The following ZNF253 variants were observed in gnomAD, a reference collection of about 807,000 sequenced individuals.
ZNF253 encodes the protein zinc finger protein 253.
ZNF253 carries 8 observed loss-of-function variants against 11.9 expected under a neutral mutation model. That is an observed-to-expected ratio of 0.67 (90% confidence interval 0.40 to 1.22). ZNF253 has a LOEUF of 1.22. ZNF253 is among the 50% of genes most tolerant of loss of function. ZNF253 has a pLI of 0.01. For missense variants in ZNF253, 485 were observed against 586.9 expected (o/e 0.83, Z 1.79); for synonymous variants, 194 against 194.9 (o/e 1.00, Z 0.04).
intron 1 of ZNF253, among the ~76,000 whole-genome samples, chr19:19,869,687 T>A (rs1016449734): frequency 0.034 from 2,886 of 85,276 alleles, 40 homozygotes; most frequent in African/African-American, 0.055. Flanking sequence ...TTTTTTTTTT[T>A]AAAAAACAGT....
intron 3 of ZNF253, among the ~76,000 whole-genome samples, chr19:19,884,379 A>AT (rs72362337): frequency 3.4e-5 from 5 of 149,088 alleles, no homozygotes; most frequent in South Asian, 2.1e-4. Flanking sequence ...TTTTATTTTT[A>AT]TTTTTTTTTT....
At chr19:19,876,186 A>T (rs2063155278) in intron 1 of ZNF253, among the ~76,000 whole-genome samples, 1 of 152,230 alleles carries the variant, frequency 6.6e-6, no homozygotes. Context: ...AGGGGGAGCA[A>T]CATCAGCATT....
intron 3 of ZNF253, among the ~76,000 whole-genome samples, chr19:19,889,188 G>A (rs138411386): frequency 1.3e-5 from 2 of 151,296 alleles, no homozygotes; most frequent in Non-Finnish European, 2.9e-5. Flanking sequence ...TTTCTTTTAA[G>A]AAATTTTTAA....
At chr19:19,876,526 T>C (rs1316977938) in intron 1 of ZNF253, among the ~76,000 whole-genome samples, 1 of 151,816 alleles carries the variant, frequency 6.6e-6, no homozygotes, top group African/African-American at 2.4e-5. Flanking sequence ...TCATTGTTCC[T>C]GAATCTCTTC....
chr19:19,888,360 G>A (rs1336861470), intron 3 of ZNF253, among the ~76,000 whole-genome samples: 1 of 151,978 alleles, frequency 6.6e-6, no homozygotes, highest in Non-Finnish European at 1.5e-5. Flanking sequence ...GACTGCGCCT[G>A]GCCAACGTTA....
chr19:19,874,849 T>C (rs983628353), intron 1 of ZNF253, among the ~76,000 whole-genome samples: 4 of 151,928 alleles, frequency 2.6e-5, no homozygotes, highest in African/African-American at 9.7e-5. Context: ...GAGGCGGAGT[T>C]TGCAGTTAGC....
intron 1 of ZNF253, among the ~76,000 whole-genome samples, chr19:19,877,460 C>A (rs2145266715): frequency 6.6e-6 from 1 of 151,824 alleles, no homozygotes; most frequent in Middle Eastern, 3.4e-3. Flanking sequence ...ACTGCAACAT[C>A]TGCCTCCCAG....
rs1198547284 is a variant in ZNF253 at position 19,894,240 on chromosome 19, T to C, written c.*1493T>C. The C allele has an allele frequency of 1.3e-5, 2 of 152,168 alleles. No individual in the cohort carries two copies. Among genetic ancestry groups the C allele is most frequent in the Admixed American group, 1.3e-4 (2 of 15,286 alleles). 9.4% of individuals were successfully genotyped at this position (152,168 alleles called of 1,614,324 possible). ...TAATTACATTGAAAGTATACTTGTT[T>C]TCTTGAAAAAATTTTTTTGAAAAGT... is the stretch of plus-strand genomic sequence containing the variant. On this transcript the variant is annotated 3_prime_UTR_variant, in exon 4 of 4. Coordinates refer to ENST00000589717, the MANE Select transcript of ZNF253 (RefSeq NM_021047.3).
In ZNF253 at chr19:19,893,682, A is replaced by T. The variant is rs2063243452; in HGVS notation, c.*935A>T. 1 of 152,244 alleles carries T rather than the reference A, an allele frequency of 6.6e-6. No homozygotes were observed. The highest frequency in any genetic ancestry group is 2.1e-4 in the South Asian group (1 of 4,836). 9.4% of individuals were successfully genotyped at this position (152,244 alleles called of 1,614,324 possible). A position where few individuals can be genotyped will look rare whatever the true frequency, so the allele number is the denominator to read the frequency against. The stretch of plus-strand genomic sequence containing the variant: ...TACTCACATCTTACTGAACAGAAGA[A>T]GGTTCATAGTTAATAAAGCATTAAA... On this transcript the variant is annotated 3_prime_UTR_variant, in exon 4 of 4. Transcript: ENST00000589717.
rs545444971 is a variant in ZNF253, at chr19:19,868,304, T to G, written c.3+2305T>G. 2.0e-5 allele frequency among the ~76,000 whole-genome samples: 3 copies of G among 152,236 alleles called. No homozygotes were observed. The East Asian group carries it at 5.8e-4, about 29-fold the overall frequency. ...TAGAATGGTACTTCCTAGGTTATCT[T>G]GCAAGGTTTCTTACAATTTTAAGTT... On this transcript the variant is annotated intron_variant, in intron 1 of 3. Coordinates refer to ENST00000589717, the MANE Select transcript of ZNF253 (RefSeq NM_021047.3).
intron 3 of ZNF253, among the ~76,000 whole-genome samples, chr19:19,885,216 A>ATTCC (rs2063193661): frequency 7.2e-5 from 5 of 69,362 alleles, no homozygotes; most frequent in Admixed American, 3.1e-4. Flanking sequence ...TTTTTTTTGT[A>ATTCC]TTCTTTCTTT....
rs2063242382 is a variant in ZNF253 at position 19,893,396 on chromosome 19, T to G, written c.*649T>G. ...GAAACCTGAAAGATGCGACATTGCTTTTACCAACACCTCCACATTTCCTAT... is the reference window on the plus strand; with the variant it reads ...GAAACCTGAAAGATGCGACATTGCTGTTACCAACACCTCCACATTTCCTAT... On this transcript the variant is annotated 3_prime_UTR_variant, in exon 4 of 4. Transcript: ENST00000589717. 1 of 152,288 alleles carries G rather than the reference T, an allele frequency of 6.6e-6. No individual in the cohort carries two copies. 9.4% of individuals were successfully genotyped at this position (152,288 alleles called of 1,614,324 possible).
At chr19:19,887,138 T>C (rs2063209378) in intron 3 of ZNF253, among the ~76,000 whole-genome samples, 1 of 151,782 alleles carries the variant, frequency 6.6e-6, no homozygotes, top group Non-Finnish European at 1.5e-5. Flanking sequence ...ACCACATCAC[T>C]CAATTGTGGT....
In ZNF253 at chr19:19,865,986, G is replaced by C. The variant is rs748849126; in HGVS notation, c.-11G>C. On this transcript the variant is annotated 5_prime_UTR_variant, in exon 1 of 4. Coordinates refer to ENST00000589717, the MANE Select transcript of ZNF253 (RefSeq NM_021047.3). ...CCACAGCTAAACCCCGGGACCCCTGGAAGCCTAGAAATGGTGAGTGCCGGG... is the reference window on the plus strand; with the variant it reads ...CCACAGCTAAACCCCGGGACCCCTGCAAGCCTAGAAATGGTGAGTGCCGGG... The C allele has an allele frequency of 6.2e-7, 1 of 1,614,192 alleles. No individual in the cohort carries two copies. Among genetic ancestry groups the C allele is most frequent in the Non-Finnish European group, 8.5e-7 (1 of 1,180,026 alleles).
chr19:19,891,163 A>G (rs151238099), intron 3 of ZNF253, among the ~76,000 whole-genome samples: 3 of 152,268 alleles, frequency 2.0e-5, no homozygotes, highest in Non-Finnish European at 4.4e-5. Flanking sequence ...TAAAAGCACA[A>G]TGTTATACTG....
At chr19:19,869,660 C>CTTT (rs35926309) in intron 1 of ZNF253, among the ~76,000 whole-genome samples, 4 of 103,282 alleles carry the variant, frequency 3.9e-5, no homozygotes, top group East Asian at 3.3e-4. Context: ...CATGCCTGGC[C>CTTT]TTTTTTTTTT....
At position 19,892,269 on chromosome 19, in the gene ZNF253, A is replaced by C. The variant is rs766171512; in HGVS notation, c.1022A>C (p.Lys341Thr). Residue 341 changes from lysine (K) to threonine (T), a missense_variant, in exon 4 of 4, where the codon AAA (lysine) becomes ACA (threonine). By Grantham distance (78) the Lys-to-Thr change is moderately conservative (BLOSUM62 -1). Around this residue, in one of 3 missense-constraint regions of ZNF253, gnomAD observed 232 missense variants for 321.4 expected, o/e 0.72. Transcript: ENST00000589717. Reference sequence around the variant, plus strand: ...ATTCATACAGGAGAGAAACCCTACAAATGTGAAGAATGTGGCAAAGCCTTT... The same window carrying C: ...ATTCATACAGGAGAGAAACCCTACACATGTGAAGAATGTGGCAAAGCCTTT... Reference protein sequence around the residue: ...KRIHTGEKPYKCEECGKAFHL... With the variant: ...KRIHTGEKPYTCEECGKAFHL... The C allele has an allele frequency of 2.5e-6, 4 of 1,610,420 alleles. No homozygotes were observed. Among genetic ancestry groups the C allele is most frequent in the Non-Finnish European group, 3.4e-6 (4 of 1,177,790 alleles).
At position 19,892,402 on chromosome 19, in the gene ZNF253, A is replaced by G; in HGVS notation, c.1155A>G (p.Ser385=). The stretch of plus-strand genomic sequence containing the variant: ...TTAACCATTCCACAACCCTTTTTTC[A>G]CATGAGAAAATTCATACTGGAGAGA... ...KAFNHSTTLF[S]HEKIHTGEKP... Residue 385 remains serine (S), a synonymous_variant, in exon 4 of 4, where the codon TCA becomes TCG. Transcript: ENST00000589717. 1 of 1,614,032 alleles carries G rather than the reference A, an allele frequency of 6.2e-7. No individual in the cohort carries two copies. The highest frequency in any genetic ancestry group is 8.5e-7 in the Non-Finnish European group (1 of 1,179,982).
At chr19:19,870,696 AAC>A (rs1207498641) in intron 1 of ZNF253, 2 of 152,172 alleles carry the variant, frequency 1.3e-5, no homozygotes, top group African/African-American at 4.8e-5. Flanking sequence ...CCACTATATG[AAC>A]ACAGTCAAAT....
Sources: gnomAD v4.1 joint callset for allele counts (sites outside exome capture counted in the v4.1 genomes callset) on GRCh38, gnomAD v4.1.1 for gene constraint, gnomAD v4.1.1 regional missense constraint, MANE v1.5 for transcripts, NCBI Gene and HGNC (gene_info 2026-07-23, HGNC 2026-07-21) for gene names.